The following NMNAT3 variants were observed in gnomAD, a reference collection of about 807,000 sequenced individuals.
NMNAT3 encodes nicotinamide nucleotide adenylyltransferase 3, also known as nicotinamide/nicotinic acid mononucleotide adenylyltransferase 3.
In NMNAT3, 21 loss-of-function variants were observed where a neutral mutation model predicts 24.8. The ratio of observed to expected loss-of-function variants is 0.85; its 90% confidence interval spans 0.60 to 1.22. The LOEUF (loss-of-function observed/expected upper bound fraction) is 1.22, where lower values mean the gene tolerates loss of function less well. Ranked by LOEUF, NMNAT3 falls within the 50% of genes most tolerant of loss-of-function variation. The pLI, the probability that NMNAT3 is intolerant of heterozygous loss-of-function variation, is 0.00. For synonymous variants in NMNAT3, 136 were observed against 155.2 expected (o/e 0.88, Z 0.92); for missense variants, 387 against 436.6 (o/e 0.89, Z 1.01).
intron 3 of NMNAT3, among the ~76,000 whole-genome samples, chr3:139,604,881 A>T: frequency 6.6e-6 from 1 of 152,194 alleles, no homozygotes. Context: ...AGACACGAAA[A>T]ACCAACAAGT....
chr3:139,565,511 C>T (rs542987528), intron 6 of NMNAT3: 3 of 151,748 alleles, frequency 2.0e-5, no homozygotes, highest in Non-Finnish European at 4.4e-5. Context: ...ATCCCTCCCC[C>T]CTTCCCCCAC....
chr3:139,616,100 A>G (rs2108273990), intron 3 of NMNAT3, among the ~76,000 whole-genome samples: 1 of 152,274 alleles, frequency 6.6e-6, no homozygotes, highest in East Asian at 1.9e-4. Flanking sequence ...TAGCCAATCC[A>G]GTTGTCAATA....
Position 139,627,155 on chromosome 3 carries a change from G to T in NMNAT3, c.109+461C>A, listed in dbSNP as rs530195030. Among the ~76,000 whole-genome samples, 3 of 152,216 alleles carry T rather than the reference G, an allele frequency of 2.0e-5. No individual in the cohort carries two copies. The South Asian group carries it at 6.2e-4, about 32-fold the overall frequency. On this transcript the variant is annotated intron_variant, in intron 3 of 6. Coordinates refer to ENST00000643695, the MANE Select transcript of NMNAT3 (RefSeq NM_001320510.2). ...TGTATTGGAAATGCCCTATATACAA[G>T]ATTATTAATTTGTAATAATCTAAGA...
intron 5 of NMNAT3, chr3:139,577,822 C>A (rs1178420766): frequency 6.6e-6 from 1 of 152,230 alleles, no homozygotes; most frequent in Non-Finnish European, 1.5e-5. Flanking sequence ...CTGCTGAATG[C>A]TTCTGGCTGC....
chr3:139,675,622 C>A lies in NMNAT3; in HGVS notation c.-141+2083G>T, dbSNP rs531511105. Among the ~76,000 whole-genome samples the A allele has an allele frequency of 3.9e-5, 6 of 152,236 alleles. 1 individual carries two copies. Among genetic ancestry groups the A allele is most frequent in the Admixed American group, 3.9e-4 (6 of 15,290 alleles). ...AAACCACTGCAACAGATAATCTAAC[C>A]CCCTGACTAATCACCCTGCACAATT... On this transcript the variant is annotated intron_variant, in intron 1 of 6. Transcript: ENST00000643695.
chr3:139,671,296 G>A (rs929985255), intron 1 of NMNAT3, among the ~76,000 whole-genome samples: 3 of 152,114 alleles, frequency 2.0e-5, no homozygotes, highest in African/African-American at 7.2e-5. Context: ...TTCCCATGTG[G>A]CTAATCTTCA....
chr3:139,608,749 TTTGA>T (rs2055056922), intron 3 of NMNAT3, among the ~76,000 whole-genome samples: 7 of 152,300 alleles, frequency 4.6e-5, no homozygotes, highest in Admixed American at 4.6e-4. Context: ...CATACAGTCC[TTTGA>T]TTGTGTGGTA....
intron 3 of NMNAT3, among the ~76,000 whole-genome samples, chr3:139,625,817 G>A (rs78082136): frequency 0.017 from 2,527 of 152,132 alleles, 70 homozygotes; most frequent in African/African-American, 0.058. Context: ...AGCATTTTTT[G>A]TAGTGCAGGT....
At position 139,651,937 on chromosome 3, in the gene NMNAT3, G is replaced by A. The variant is rs143563312; in HGVS notation, c.-140-13875C>T. The stretch of plus-strand genomic sequence containing the variant: ...TGGAGGAGGGAAACTGACAGCCTGG[G>A]GACCTAAGTCCTCCCTTCCTCACTG... On this transcript the variant is annotated intron_variant, in intron 1 of 6. Transcript: ENST00000643695. 5.0e-3 allele frequency among the ~76,000 whole-genome samples: 760 copies of A among 152,284 alleles called. 7 individuals are homozygous for A. Among genetic ancestry groups the A allele is most frequent in the African/African-American group, 0.018 (738 of 41,546 alleles).
chr3:139,646,461 ATCCT>A (rs1163222436), intron 1 of NMNAT3, among the ~76,000 whole-genome samples: 1 of 152,152 alleles, frequency 6.6e-6, no homozygotes, highest in East Asian at 1.9e-4. Flanking sequence ...CGTAGGCCCC[ATCCT>A]CTGTCTGAAA....
chr3:139,603,831 C>G (rs540948579), intron 3 of NMNAT3, among the ~76,000 whole-genome samples: 3 of 152,326 alleles, frequency 2.0e-5, no homozygotes, highest in Admixed American at 6.5e-5. Flanking sequence ...AAGCAGCCAC[C>G]ACCACTGCAC....
chr3:139,623,942 C>G (rs1330963676), intron 3 of NMNAT3, among the ~76,000 whole-genome samples: 1 of 152,122 alleles, frequency 6.6e-6, no homozygotes, highest in Admixed American at 6.6e-5. Flanking sequence ...CCAGCGTCAC[C>G]ACAAACACAA....
intron 3 of NMNAT3, chr3:139,599,506 G>C: frequency 1.5e-6 from 1 of 660,134 alleles, no homozygotes; most frequent in Non-Finnish European, 2.7e-6. Context: ...GTGGTGTTAA[G>C]AATCAAGTAA....
intron 5 of NMNAT3, among the ~76,000 whole-genome samples, chr3:139,577,263 T>C (rs1319317575): frequency 1.3e-5 from 2 of 152,362 alleles, no homozygotes; most frequent in East Asian, 3.9e-4. Context: ...TTATCTGTTT[T>C]GAGGACAAAT....
chr3:139,596,940 A>G lies in NMNAT3; in HGVS notation c.110-13732T>C, dbSNP rs868094973. ...TGTATATATATATATATATATATATATATATATATATATATATATATATAT... is the reference window on the plus strand; with the variant it reads ...TGTATATATATATATATATATATATGTATATATATATATATATATATATAT... On this transcript the variant is annotated intron_variant, in intron 3 of 6. Transcript: ENST00000643695. Among the ~76,000 whole-genome samples, 540 of 108,424 alleles carry G rather than the reference A, an allele frequency of 5.0e-3. 23 individuals are homozygous for G. Among genetic ancestry groups the G allele is most frequent in the East Asian group, 0.022 (38 of 1,704 alleles). 71.1% of individuals were successfully genotyped at this position (108,424 alleles called of 152,430 possible).
intron 6 of NMNAT3, chr3:139,568,009 CAATT>C (rs1937520365): frequency 6.6e-6 from 1 of 152,216 alleles, no homozygotes; most frequent in African/African-American, 2.4e-5. Flanking sequence ...ATTATTGCCT[CAATT>C]TCAGAGCCTA....
chr3:139,573,679 GC>G lies in NMNAT3; in HGVS notation c.576del (p.Arg192SerfsTer33). 6.3e-7 allele frequency: 1 copy of G among 1,583,918 alleles called. No homozygotes were observed. The highest frequency in any genetic ancestry group is 8.6e-7 in the Non-Finnish European group (1 of 1,163,778). On this transcript the variant is annotated frameshift_variant and splice_region_variant, in exon 6 of 7. Coordinates refer to ENST00000643695, the MANE Select transcript of NMNAT3 (RefSeq NM_001320510.2). LOFTEE classifies it high-confidence loss of function. ...GATCTGAGCAGTTTGCTGTGATGAT[GC>G]CTGTGTTGTAAACATATGGGCTCAG...
chr3:139,633,099 A>G (rs565448201), intron 2 of NMNAT3, among the ~76,000 whole-genome samples: 1 of 152,178 alleles, frequency 6.6e-6, no homozygotes, highest in East Asian at 1.9e-4. Flanking sequence ...TGTCCCCAGG[A>G]CCTCTAGAAG....
At chr3:139,662,329 C>A (rs903914399) in intron 1 of NMNAT3, among the ~76,000 whole-genome samples, 1 of 152,112 alleles carries the variant, frequency 6.6e-6, no homozygotes, top group Non-Finnish European at 1.5e-5. Flanking sequence ...ATCAGTCAAA[C>A]AGCTTGACCT....
Sources: allele counts gnomAD v4.1 joint callset (sites outside exome capture counted in the v4.1 genomes callset), GRCh38; gene constraint gnomAD v4.1.1; transcripts MANE v1.5; gene names NCBI Gene and HGNC (gene_info 2026-07-23, HGNC 2026-07-21).